The following THTPA variants were observed in gnomAD, a reference collection of about 807,000 sequenced individuals.
THTPA encodes thiamine triphosphatase.
Under a neutral mutation model 16.5 loss-of-function variants are expected in THTPA, and 16 were observed. The observed-to-expected ratio is 0.97, with a 90% CI of 0.66 to 1.47. The LOEUF (loss-of-function observed/expected upper bound fraction) is 1.47, where lower values mean the gene tolerates loss of function less well. Among genes scored for constraint, THTPA ranks in the 40% most tolerant of loss-of-function variants. THTPA has a pLI of 0.00. For synonymous variants in THTPA, 110 were observed against 115.5 expected (o/e 0.95, Z 0.30); for missense variants, 281 against 280.9 (o/e 1.00, Z 0.00).
the THTPA span, among the ~76,000 whole-genome samples, chr14:23,520,597 C>T: frequency 6.6e-6 from 1 of 152,164 alleles, no homozygotes; most frequent in Non-Finnish European, 1.5e-5. The surrounding 1 kb of genome is among the most constrained non-coding windows in gnomAD (Gnocchi z 8.7). Flanking sequence ...TGATAAATAC[C>T]CAACTCAGGG....
chr14:23,530,813 C>T, the THTPA span: 2 of 241,674 alleles, frequency 8.3e-6, no homozygotes, highest in Admixed American at 5.3e-5. Flanking sequence ...GCTGCGTGTT[C>T]CTGGCTCCTG....
chr14:23,553,523 C>T (rs1001672149), upstream of THTPA, among the ~76,000 whole-genome samples: 14 of 151,198 alleles, frequency 9.3e-5, no homozygotes, highest in African/African-American at 2.4e-4. Context: ...CGCTTGAACC[C>T]GGGGGGCAGA....
At chr14:23,541,916 TC>T in the THTPA span, among the ~76,000 whole-genome samples, 1 of 152,198 alleles carries the variant, frequency 6.6e-6, no homozygotes, top group Non-Finnish European at 1.5e-5. Context: ...TCTAGACCCT[TC>T]CCCTTTTATA....
chr14:23,534,494 G>A, the THTPA span: 3 of 1,536,246 alleles, frequency 2.0e-6, no homozygotes, highest in Non-Finnish European at 2.6e-6. The surrounding 1 kb of genome is among the most constrained non-coding windows in gnomAD (Gnocchi z 4.5). Context: ...CCCTCCTGGA[G>A]TACAGCTGGG....
the THTPA span, chr14:23,534,304 A>G: frequency 6.5e-7 from 1 of 1,535,470 alleles, no homozygotes; most frequent in Admixed American, 2.0e-5. This position sits in a 1 kb window ranked among gnomAD's most constrained non-coding sequence, Gnocchi z 4.5. Context: ...GCTGAGGGCC[A>G]TAACTTCTTC....
At chr14:23,539,307 G>GC in the THTPA span, among the ~76,000 whole-genome samples, 1 of 152,200 alleles carries the variant, frequency 6.6e-6, no homozygotes, top group East Asian at 1.9e-4. Context: ...TCAAGGCTCA[G>GC]CCAGGGAGTT....
the THTPA span, chr14:23,533,588 T>C: frequency 1.3e-6 from 2 of 1,536,612 alleles, no homozygotes; most frequent in Admixed American, 2.0e-5. The surrounding 1 kb of genome is among the most constrained non-coding windows in gnomAD (Gnocchi z 4.8). Context: ...TTACGGGAGA[T>C]GTTTGTCTCG....
the THTPA span, chr14:23,526,357 C>G: frequency 6.5e-7 from 1 of 1,536,358 alleles, no homozygotes; most frequent in Non-Finnish European, 8.7e-7. Flanking sequence ...ACTCCTTACA[C>G]ACAGTGCACT....
chr14:23,540,201 G>A, the THTPA span, among the ~76,000 whole-genome samples: 1 of 152,132 alleles, frequency 6.6e-6, no homozygotes, highest in Admixed American at 6.5e-5. Flanking sequence ...ATGTTGCCCA[G>A]GCTGGTCTCA....
chr14:23,531,754 A>C, the THTPA span: 98 of 1,306,832 alleles, frequency 7.5e-5, no homozygotes, highest in Admixed American at 2.8e-4. Context: ...GCTCAGGCCC[A>C]GAAGGGACAT....
the THTPA span, chr14:23,524,307 C>A: frequency 6.5e-7 from 1 of 1,536,364 alleles, no homozygotes. The surrounding 1 kb of genome is among the most constrained non-coding windows in gnomAD (Gnocchi z 5.6). Context: ...GGGTTGGAAT[C>A]CTGCATGTAC....
rs565627634 is a variant in THTPA, at chr14:23,557,474, A to C, written c.547+170A>C. 9.9e-4 allele frequency among the ~76,000 whole-genome samples: 150 copies of C among 152,204 alleles called. No individual in the cohort carries two copies. In the South Asian group the frequency reaches 0.03, roughly 31 times the overall value. On this transcript the variant is annotated intron_variant, in intron 1 of 1. Transcript: ENST00000288014. ...TGGTCTGGAACTCCTGGACTCAAGC[A>C]ATTTGCCTGCCTCGGCCTTCCAAAG...
At chr14:23,522,592 G>C in the THTPA span, 3 of 1,528,820 alleles carry the variant, frequency 2.0e-6, no homozygotes, top group Admixed American at 6.0e-5. Context: ...GTAGCTGGGG[G>C]CCAAAGACAG....
Position 23,559,753 on chromosome 14 carries a change from T to C in THTPA, c.*913T>C, listed in dbSNP as rs1486747809. The C allele has an allele frequency of 1.2e-6, 2 of 1,613,976 alleles. No homozygotes were observed. Among genetic ancestry groups the C allele is most frequent in the Non-Finnish European group, 1.7e-6 (2 of 1,179,986 alleles). ...TCAGGCTGTGAGTGGAGACAGTTAC[T>C]GCCACGATTCCACAGGCAAGTTGTT... On this transcript the variant is annotated 3_prime_UTR_variant, in exon 2 of 2. Transcript: ENST00000288014.
chr14:23,516,658 G>A, the THTPA span, among the ~76,000 whole-genome samples: 3 of 152,084 alleles, frequency 2.0e-5, no homozygotes, highest in Non-Finnish European at 4.4e-5. Flanking sequence ...AGATTTTGTG[G>A]CTAGGTACAA....
At chr14:23,534,887 C>A in the THTPA span, 4 of 1,536,112 alleles carry the variant, frequency 2.6e-6, no homozygotes, top group Non-Finnish European at 3.5e-6. This position sits in a 1 kb window ranked among gnomAD's most constrained non-coding sequence, Gnocchi z 4.5. Context: ...TTGATGCCCG[C>A]CTCACCCCAG....
chr14:23,522,664 G>A, the THTPA span: 2 of 1,536,508 alleles, frequency 1.3e-6, no homozygotes, highest in Non-Finnish European at 1.7e-6. Context: ...CCCCCAACAG[G>A]GCTGGGACAG....
chr14:23,523,855 A>C, the THTPA span: 8 of 1,535,918 alleles, frequency 5.2e-6, no homozygotes, highest in Non-Finnish European at 6.1e-6. This position sits in a 1 kb window ranked among gnomAD's most constrained non-coding sequence, Gnocchi z 4.1. Flanking sequence ...AATCACTCAG[A>C]TCTCCTGCAG....
the THTPA span, chr14:23,531,036 G>C: frequency 6.4e-6 from 1 of 157,044 alleles, no homozygotes; most frequent in Non-Finnish European, 1.4e-5. Context: ...GACAGGAAGA[G>C]GCTGGGAAGC....
Sources: gnomAD v4.1 joint callset for allele counts (sites outside exome capture counted in the v4.1 genomes callset) on GRCh38, gnomAD v4.1.1 for gene constraint, Gnocchi (gnomAD v3.1) non-coding constraint, MANE v1.5 for transcripts, NCBI Gene and HGNC (gene_info 2026-07-23, HGNC 2026-07-21) for gene names.